Variants in MYH2 observed in about 807,000 individuals in gnomAD.
The protein encoded by MYH2 is myosin heavy chain 2.
A neutral mutation model predicts 228.1 loss-of-function variants in MYH2; 139 were observed. The ratio of observed to expected loss-of-function variants is 0.61; its 90% CI spans 0.53 to 0.70. The LOEUF is 0.70. Ranked by LOEUF, MYH2 falls within the 30% of genes least tolerant of loss-of-function variation. The probability of loss-of-function intolerance (pLI) is 0.00; values close to 1 mark genes in which losing one functional copy is unlikely to be tolerated. For missense variants in MYH2, 1,809 were observed against 2,357.5 expected (o/e 0.77, Z 4.82); for synonymous variants, 796 against 871.1 (o/e 0.91, Z 1.52).
Position 10,533,481 on chromosome 17 carries a change from G to C in MYH2, c.2304+28C>G, listed in dbSNP as rs146077498. On this transcript the variant is annotated intron_variant, in intron 20 of 39. Coordinates refer to ENST00000245503, the MANE Select transcript of MYH2 (RefSeq NM_017534.6). The stretch of plus-strand genomic sequence containing the variant: ...AATAAAGTTCAAAGGGACAGGAATA[G>C]CATCAGGTAGGATTTACAGAAAATT... The C allele has an allele frequency of 3.7e-4, 600 of 1,614,170 alleles. 1 individual carries two copies. In the African/African-American group the frequency reaches 7.0e-3, roughly 19 times the overall value.
rs773208767 is a variant in MYH2 at position 10,524,436 on chromosome 17, C to G, written c.5175+30G>C. ...TCTATTCTGGGACATATAAAATTTA[C>G]TAAGGAGAGTTCTTTGTGCTGAATC... On this transcript the variant is annotated intron_variant, in intron 35 of 39. Transcript: ENST00000245503. The surrounding 1 kb of genome is among the most constrained non-coding windows in gnomAD (Gnocchi z 4.7). 15 of 1,613,736 alleles carry G rather than the reference C, an allele frequency of 9.3e-6. No homozygotes were observed. Among genetic ancestry groups the G allele is most frequent in the Non-Finnish European group, 1.3e-5 (15 of 1,179,746 alleles).
At position 10,526,630 on chromosome 17, in the gene MYH2, T is replaced by A; in HGVS notation, c.4156A>T (p.Ile1386Phe). Residue 1386 changes from isoleucine to phenylalanine, a missense_variant, in exon 30 of 40, where the codon ATC becomes TTC. Physicochemically the swap from Ile to Phe is conservative, Grantham distance 21. Around this residue, in one of 9 missense-constraint regions of MYH2, gnomAD observed 636 missense variants for 729.9 expected, o/e 0.87. Transcript: ENST00000245503. ...QWRTKYETDA[I>F]QRTEELEEAK... ...TCCTCCAGCTCCTCTGTGCGCTGGA[T>A]GGCGTCCGTCTCGTATTTGGTCCTC... 1 of 1,614,028 alleles carries A rather than the reference T, an allele frequency of 6.2e-7. No individual in the cohort carries two copies. The highest frequency in any genetic ancestry group is 8.5e-7 in the Non-Finnish European group (1 of 1,179,884).
intron 28 of MYH2, 143 bp downstream of exon 28, chr17:10,527,605 G>A (rs1174115989): frequency 3.9e-6 from 5 of 1,273,996 alleles, no homozygotes; most frequent in East Asian, 2.3e-5. Context: ...AGATGACCTT[G>A]CACATAGGTC....
At chr17:10,527,199 G>T in intron 28 of MYH2, 143 bp from the exon 29 acceptor site, 1 of 741,300 alleles carries the variant, frequency 1.3e-6, no homozygotes, top group Non-Finnish European at 2.3e-6. Flanking sequence ...CATGCTCAAT[G>T]CAGGTTTTCA....
At chr17:10,540,274 G>A (rs983335096) in intron 11 of MYH2, among the ~76,000 whole-genome samples, 9 of 151,626 alleles carry the variant, frequency 5.9e-5, no homozygotes, top group African/African-American at 1.5e-4. Flanking sequence ...GATTCAAAAC[G>A]GGAACTTAGA....
At position 10,539,228 on chromosome 17, in the gene MYH2, T is replaced by C; in HGVS notation, c.1393A>G (p.Ile465Val). ...ACATCAAAAATCTCAAAACCAGCAA[T>C]GTCCAAGACCCCGATGAAGTACTGC... Reference protein sequence around the residue: ...PRQYFIGVLDIAGFEIFDFNS... With the variant: ...PRQYFIGVLDVAGFEIFDFNS... Residue 465 changes from isoleucine to valine, a missense_variant, in exon 14 of 40, where the codon ATT becomes GTT. Coordinates refer to ENST00000245503, the MANE Select transcript of MYH2 (RefSeq NM_017534.6). 6.2e-7 allele frequency: 1 copy of C among 1,614,170 alleles called. No individual in the cohort carries two copies. The highest frequency in any genetic ancestry group is 8.5e-7 in the Non-Finnish European group (1 of 1,180,028).
chr17:10,539,654 G>A (rs1044545388), intron 12 of MYH2, 92 bp from the exon 13 acceptor site: 24 of 1,358,078 alleles, frequency 1.8e-5, no homozygotes, highest in Middle Eastern at 1.8e-4. Flanking sequence ...ATTTTGTGCA[G>A]TGTTTTAAAT....
At chr17:10,539,376 T>C in intron 13 of MYH2, 22 bp from the exon 14 acceptor site, 2 of 1,614,072 alleles carry the variant, frequency 1.2e-6, no homozygotes, top group Non-Finnish European at 1.7e-6. Flanking sequence ...AAATTATAAC[T>C]CTCGAAGTTA....
chr17:10,526,666 C>A lies in MYH2; in HGVS notation c.4120G>T (p.Val1374Phe). The A allele has an allele frequency of 6.2e-7, 1 of 1,614,030 alleles. No individual in the cohort carries two copies. The highest frequency in any genetic ancestry group is 8.5e-7 in the Non-Finnish European group (1 of 1,179,910). Reference protein sequence around the residue: ...QRALSKANTEVAQWRTKYETD... With the variant: ...QRALSKANTEFAQWRTKYETD... ...TCGTATTTGGTCCTCCATTGGGCAA[C>A]CTCGGTGTTGGCCTTGGACAGTGCT... is the stretch of plus-strand genomic sequence containing the variant. The change falls in exon 30 of 40, where the codon GTT (valine) becomes TTT (phenylalanine). Residue 1374 changes from valine to phenylalanine, a missense_variant. By Grantham distance (50) the Val-to-Phe change is conservative. Around this residue, in one of 9 missense-constraint regions of MYH2, gnomAD observed 636 missense variants for 729.9 expected, o/e 0.87. Coordinates refer to ENST00000245503, the MANE Select transcript of MYH2 (RefSeq NM_017534.6).
Position 10,535,098 on chromosome 17 carries a change from T to G in MYH2, c.2155A>C (p.Ile719Leu). The change falls in exon 19 of 40, where the codon ATC becomes CTC. Residue 719 changes from isoleucine to leucine, a missense_variant. Transcript: ENST00000245503. ...CTCTGTTTGAAGTCTGCATAAAGGA[T>G]TCTGCTTGGAAATCCTTTCCTACAG... is the stretch of plus-strand genomic sequence containing the variant. ...RICRKGFPSR[I>L]LYADFKQRYK... 3 of 1,614,158 alleles carry G rather than the reference T, an allele frequency of 1.9e-6. No homozygotes were observed. The highest frequency in any genetic ancestry group is 2.5e-6 in the Non-Finnish European group (3 of 1,180,012).
intron 10 of MYH2, among the ~76,000 whole-genome samples, chr17:10,542,273 C>CAACAAACAAACA (rs71365774): frequency 0.026 from 3,960 of 151,016 alleles, 63 homozygotes; most frequent in Non-Finnish European, 0.038. Context: ...GACTCCATCT[C>CAACAAACAAACA]AACAAACAAA....
chr17:10,548,348 TTGAAAAAGAGGTTTAAA>T (rs1420422718), intron 2 of MYH2, among the ~76,000 whole-genome samples: 1 of 152,148 alleles, frequency 6.6e-6, no homozygotes, highest in Non-Finnish European at 1.5e-5. Context: ...TGAAGATACT[TTGAAAAAGAGGTTTAAA>T]TGATGACTGA....
chr17:10,532,094 A>G lies in MYH2; in HGVS notation c.2442-206T>C, dbSNP rs79807358. On this transcript the variant is annotated intron_variant, in intron 21 of 39. Transcript: ENST00000245503. The stretch of plus-strand genomic sequence containing the variant: ...CACTGCTTCTCAAACTTTGGCATGC[A>G]TAAGAATCACCTGAAGGGCTTGTTA... 0.054 allele frequency among the ~76,000 whole-genome samples: 8,264 copies of G among 152,266 alleles called. 249 individuals carry two copies. The highest frequency in any genetic ancestry group is 0.12 in the South Asian group (589 of 4,816).
In MYH2 at chr17:10,526,978, T is replaced by G. The variant is rs1380534578; in HGVS notation, c.3950A>C (p.Gln1317Pro). ...LSRGKQAFTQ[Q>P]IEELKRQLEE... ...AAGTTGCCTCTTTAATTCTTCAATC[T>G]GTTGAGTAAAGGCTTGTTTGCCTCT... Residue 1317 changes from glutamine to proline, a missense_variant, in exon 29 of 40, where the codon CAG (glutamine) becomes CCG (proline). By Grantham distance (76) the Gln-to-Pro change is moderately conservative. Around this residue, in one of 9 missense-constraint regions of MYH2, gnomAD observed 636 missense variants for 729.9 expected, o/e 0.87. Coordinates refer to ENST00000245503, the MANE Select transcript of MYH2 (RefSeq NM_017534.6). 1.2e-6 allele frequency: 2 copies of G among 1,614,110 alleles called. No homozygotes were observed. Among genetic ancestry groups the G allele is most frequent in the African/African-American group, 1.3e-5 (1 of 74,942 alleles).
intron 29 of MYH2, 52 bp from the exon 30 acceptor site, chr17:10,526,847 T>C: frequency 6.2e-7 from 1 of 1,614,140 alleles, no homozygotes; most frequent in Non-Finnish European, 8.5e-7. Context: ...TATTTAACTC[T>C]TAACTTTCAA....
rs896990916 is a variant in MYH2 at position 10,529,430 on chromosome 17, C to A, written c.3169G>T (p.Ala1057Ser). The change falls in exon 25 of 40, where the codon GCT (alanine) becomes TCT (serine). Residue 1057 changes from alanine (A) to serine (S), a missense_variant. Ala to Ser is a moderately conservative substitution (Grantham distance 99). Around this residue, in one of 9 missense-constraint regions of MYH2, gnomAD observed 636 missense variants for 729.9 expected, o/e 0.87. Transcript: ENST00000245503. ...EKKLRMDLER[A>S]KRKLEGDLKL... Reference sequence around the variant, plus strand: ...AAGTCACCCTCAAGTTTCCTCTTAGCCCTTTCTAGGTCCATGCGAAGTTTC... The same window carrying A: ...AAGTCACCCTCAAGTTTCCTCTTAGACCTTTCTAGGTCCATGCGAAGTTTC... The A allele has an allele frequency of 5.6e-6, 9 of 1,614,180 alleles. No individual in the cohort carries two copies. Among genetic ancestry groups the A allele is most frequent in the Non-Finnish European group, 7.6e-6 (9 of 1,180,038 alleles).
intron 8 of MYH2, 81 bp from the exon 9 acceptor site, chr17:10,543,242 A>G: frequency 9.5e-7 from 1 of 1,054,228 alleles, no homozygotes; most frequent in Non-Finnish European, 1.4e-6. Context: ...TGATGCTGGT[A>G]CTTTAATATT....
chr17:10,539,061 C>A, intron 14 of MYH2, 144 bp downstream of exon 14: 1 of 1,453,884 alleles, frequency 6.9e-7, no homozygotes, highest in Non-Finnish European at 9.5e-7. Context: ...ATTGGTACTA[C>A]AATAACTGAC....
At position 10,529,287 on chromosome 17, in the gene MYH2, C is replaced by T. The variant is rs562000964; in HGVS notation, c.3264-35G>A. 20 of 1,614,010 alleles carry T rather than the reference C, an allele frequency of 1.2e-5. No homozygotes were observed. The South Asian group carries it at 1.8e-4, about 14-fold the overall frequency. ...AAGTAGCAAAGGACAACAATTTAGT[C>T]CGTATCTAATGTTGGAAGCAAATCC... On this transcript the variant is annotated intron_variant, in intron 25 of 39. Transcript: ENST00000245503.
Sources: allele counts gnomAD v4.1 joint callset (sites outside exome capture counted in the v4.1 genomes callset), GRCh38; gene constraint gnomAD v4.1.1; regional missense constraint gnomAD v4.1.1; non-coding constraint Gnocchi (gnomAD v3.1); transcripts MANE v1.5; gene names NCBI Gene and HGNC (gene_info 2026-07-23, HGNC 2026-07-21).